Variants in RAB6B observed in about 807,000 individuals in gnomAD.
The protein encoded by RAB6B is RAB6B, member RAS oncogene family, also known as ras-related protein Rab-6B.
A neutral mutation model predicts 31.2 loss-of-function variants in RAB6B; 7 were observed. The observed-to-expected ratio is 0.22, with a 90% CI of 0.13 to 0.42. The LOEUF (loss-of-function observed/expected upper bound fraction) is 0.42, where lower values mean the gene tolerates loss of function less well. Ranked by LOEUF, RAB6B falls within the 10% of genes least tolerant of loss-of-function variation. The pLI is 1.00. For synonymous variants in RAB6B, 105 were observed against 104.9 expected, an observed-to-expected ratio of 1.00 and a Z score of -0.01; for missense variants, 149 against 280.6, an observed-to-expected ratio of 0.53 and a Z score of 3.35.
At chr3:133,873,531 C>A (rs527816232) in intron 1 of RAB6B, among the ~76,000 whole-genome samples, 14 of 152,330 alleles carry the variant, frequency 9.2e-5, no homozygotes, top group Non-Finnish European at 1.9e-4. Context: ...CCCCAGCCGC[C>A]ACAGAGGAGG....
chr3:133,838,416 C>A (rs946607196), intron 5 of RAB6B, among the ~76,000 whole-genome samples, 157 bp from the exon 6 acceptor site: 3 of 152,314 alleles, frequency 2.0e-5, no homozygotes, highest in South Asian at 2.1e-4. Flanking sequence ...CGGGCACCAA[C>A]CACAGTCTCG....
At chr3:133,873,260 G>A (rs1936350420) in intron 1 of RAB6B, among the ~76,000 whole-genome samples, 1 of 152,216 alleles carries the variant, frequency 6.6e-6, no homozygotes, top group Admixed American at 6.5e-5. Flanking sequence ...CAGGATGGCT[G>A]GTCCTCCAGC....
intron 6 of RAB6B, among the ~76,000 whole-genome samples, chr3:133,835,530 A>T (rs1248142228): frequency 6.6e-6 from 1 of 151,292 alleles, no homozygotes; most frequent in Non-Finnish European, 1.5e-5. Context: ...GGCAGGGGAC[A>T]GGTGGCAAGT....
At chr3:133,886,394 A>C (rs952913764) in intron 1 of RAB6B, among the ~76,000 whole-genome samples, 2 of 152,104 alleles carry the variant, frequency 1.3e-5, no homozygotes, top group African/African-American at 4.8e-5. Flanking sequence ...ATATAACCCC[A>C]ATGCTGCAAA....
chr3:133,842,406 C>T (rs779399578), intron 2 of RAB6B, among the ~76,000 whole-genome samples: 4 of 152,254 alleles, frequency 2.6e-5, no homozygotes, highest in Admixed American at 6.5e-5. Flanking sequence ...GCCTCACAGG[C>T]ACCCGGTACC....
Position 133,827,884 on chromosome 3 carries a change from G to A in RAB6B, c.*904C>T, listed in dbSNP as rs777529933. 228 of 702,084 alleles carry A rather than the reference G, an allele frequency of 3.2e-4. No individual in the cohort carries two copies. Among genetic ancestry groups the A allele is most frequent in the Non-Finnish European group, 5.1e-4 (197 of 384,698 alleles). The allele number at this position is 702,084 out of a possible 1,614,324, so 43.5% of individuals were successfully genotyped here. On this transcript the variant is annotated 3_prime_UTR_variant, in exon 8 of 8. Coordinates refer to ENST00000285208, the MANE Select transcript of RAB6B (RefSeq NM_016577.4). ...AGTTTCTTAGACTTGGCCCAGGCAT[G>A]TGTACTGACTGCTGGGTGGGCTGGT...
rs1935594509 is a variant in RAB6B at position 133,827,844 on chromosome 3, C to T, written c.*944G>A. The T allele has an allele frequency of 1.5e-6, 1 of 667,920 alleles. No homozygotes were observed. Among genetic ancestry groups the T allele is most frequent in the African/African-American group, 1.8e-5 (1 of 54,810 alleles). The allele number at this position is 667,920 out of a possible 1,614,324, so 41.4% of individuals were successfully genotyped here. The stretch of plus-strand genomic sequence containing the variant: ...GAAGGCTTCAGGATGGCACACTGCC[C>T]AACATCACACACTGAGTTTCTTAGA... On this transcript the variant is annotated 3_prime_UTR_variant, in exon 8 of 8. Transcript: ENST00000285208.
In RAB6B at chr3:133,877,859, C is replaced by T. The variant is rs143995024; in HGVS notation, c.71-13217G>A. Among the ~76,000 whole-genome samples the T allele has an allele frequency of 5.1e-3, 769 of 150,356 alleles. 1 individual carries two copies. Among genetic ancestry groups the T allele is most frequent in the Non-Finnish European group, 9.0e-3 (607 of 67,690 alleles). On this transcript the variant is annotated intron_variant, in intron 1 of 7. Coordinates refer to ENST00000285208, the MANE Select transcript of RAB6B (RefSeq NM_016577.4). ...AGTATAATATGTTTAAGAAGTTACA[C>T]GGGGTAAAAAATAGATTTTCAAAGA...
intron 7 of RAB6B, among the ~76,000 whole-genome samples, chr3:133,829,176 C>T (rs1032099894): frequency 2.0e-5 from 3 of 152,204 alleles, no homozygotes; most frequent in African/African-American, 7.2e-5. Flanking sequence ...GCTCCCAGCC[C>T]TGGCCTCAGC....
rs551680654 is a variant in RAB6B, at chr3:133,841,459, G to A, written c.184-69C>T. Reference sequence around the variant, plus strand: ...GCAGTGAGGTCCTCCTGGTCCGGGGGACTGGGAGAGCCGGGCTCTGCAATG... The same window carrying A: ...GCAGTGAGGTCCTCCTGGTCCGGGGAACTGGGAGAGCCGGGCTCTGCAATG... On this transcript the variant is annotated intron_variant, in intron 3 of 7. Transcript: ENST00000285208. The A allele has an allele frequency of 5.6e-5, 88 of 1,567,592 alleles. No individual in the cohort carries two copies. The African/African-American group carries it at 1.1e-3, about 19-fold the overall frequency.
intron 1 of RAB6B, among the ~76,000 whole-genome samples, chr3:133,889,388 TTA>T (rs5852771): frequency 1.9e-3 from 154 of 80,112 alleles, no homozygotes; most frequent in Admixed American, 2.5e-3. Context: ...GGTTATTTTG[TTA>T]TATATATATA....
intron 2 of RAB6B, among the ~76,000 whole-genome samples, chr3:133,850,044 CAG>C (rs1166817129): frequency 9.2e-5 from 14 of 151,624 alleles, no homozygotes; most frequent in African/African-American, 2.7e-4. Context: ...GACATAGATA[CAG>C]AGAGGTGACC....
chr3:133,859,551 C>T (rs1936129652), intron 2 of RAB6B, among the ~76,000 whole-genome samples: 1 of 152,186 alleles, frequency 6.6e-6, no homozygotes, highest in African/African-American at 2.4e-5. Flanking sequence ...CCAGCAAAGG[C>T]AGTGCGAGGG....
intron 2 of RAB6B, among the ~76,000 whole-genome samples, chr3:133,844,002 A>G (rs1339047470): frequency 1.3e-5 from 2 of 152,250 alleles, no homozygotes; most frequent in Admixed American, 6.5e-5. Context: ...TAACAAGCAA[A>G]GAACCATGGA....
chr3:133,884,144 C>T (rs576762478), intron 1 of RAB6B, among the ~76,000 whole-genome samples: 1 of 152,268 alleles, frequency 6.6e-6, no homozygotes, highest in African/African-American at 2.4e-5. Flanking sequence ...ATTAGGATTA[C>T]TCCATGCACC....
At chr3:133,880,297 T>C (rs1304899459) in intron 1 of RAB6B, among the ~76,000 whole-genome samples, 1 of 152,124 alleles carries the variant, frequency 6.6e-6, no homozygotes, top group Non-Finnish European at 1.5e-5. Flanking sequence ...AAAGACTCAG[T>C]AATAGGAAAA....
At chr3:133,834,479 G>T in intron 7 of RAB6B, 96 bp downstream of exon 7, 1 of 1,340,828 alleles carries the variant, frequency 7.5e-7, no homozygotes. Flanking sequence ...AAGGCTGGGC[G>T]GGGACTGGGC....
chr3:133,893,086 C>G (rs1936658355), intron 1 of RAB6B, among the ~76,000 whole-genome samples: 1 of 152,224 alleles, frequency 6.6e-6, no homozygotes, highest in South Asian at 2.1e-4. Flanking sequence ...CAGTGACTCT[C>G]TAATGACCAT....
intron 2 of RAB6B, among the ~76,000 whole-genome samples, chr3:133,843,745 C>T (rs902141771): frequency 2.6e-5 from 4 of 152,146 alleles, no homozygotes; most frequent in African/African-American, 7.2e-5. Context: ...GGGATGTGAA[C>T]GTGATGTAGG....
Sources: allele counts gnomAD v4.1 joint callset (sites outside exome capture counted in the v4.1 genomes callset), GRCh38; gene constraint gnomAD v4.1.1; transcripts MANE v1.5; gene names NCBI Gene and HGNC (gene_info 2026-07-23, HGNC 2026-07-21).